CCDC146: variants seen among roughly 807,000 people sequenced by gnomAD.
CCDC146 encodes coiled-coil domain containing 146.
In CCDC146, 92 loss-of-function variants were observed where a neutral mutation model predicts 119.3. That is an observed-to-expected ratio of 0.77 (90% CI 0.65 to 0.92). The LOEUF (loss-of-function observed/expected upper bound fraction) is 0.92, where lower values mean the gene tolerates loss of function less well. CCDC146 is among the 40% of genes least tolerant of loss of function. CCDC146 has a pLI of 0.00. For missense variants in CCDC146, 1,000 were observed against 1,103.0 expected, an observed-to-expected ratio of 0.91 and a Z score of 1.32; for synonymous variants, 372 against 371.8, an observed-to-expected ratio of 1.00 and a Z score of -0.01.
rs948085605 is a variant in CCDC146 at position 77,198,024 on chromosome 7, T to C, written c.156+30200T>C. On this transcript the variant is annotated intron_variant, in intron 2 of 18. Coordinates refer to ENST00000285871, the MANE Select transcript of CCDC146 (RefSeq NM_020879.3). ...ATTTAGAGCTCAGAATATTCAGTTA[T>C]TTCACCCAAAATGTTTAGGAGAAAA... 6.9e-6 allele frequency: 4 copies of C among 578,444 alleles called. No homozygotes were observed. In the African/African-American group the frequency reaches 8.1e-5, roughly 12 times the overall value. The allele number at this position is 578,444 out of a possible 1,614,324, so 35.8% of individuals were successfully genotyped here.
At position 77,260,053 on chromosome 7, in the gene CCDC146, C is replaced by T. The variant is rs780800729; in HGVS notation, c.803C>T (p.Thr268Met). Residue 268 changes from threonine to methionine, a missense_variant, in exon 8 of 19, where the codon ACG (threonine) becomes ATG (methionine). Thr to Met is a moderately conservative substitution (Grantham distance 81). Coordinates refer to ENST00000285871, the MANE Select transcript of CCDC146 (RefSeq NM_020879.3). ...ATTGTCTTGGAACAAGAAGTCAAAACGCTAAATGACTCCCTAAAGAAAGTT... is the reference window on the plus strand; with the variant it reads ...ATTGTCTTGGAACAAGAAGTCAAAATGCTAAATGACTCCCTAAAGAAAGTT... Reference protein sequence around the residue: ...KKIVLEQEVKTLNDSLKKVEN... With the variant: ...KKIVLEQEVKMLNDSLKKVEN... 185 of 1,611,026 alleles carry T rather than the reference C, an allele frequency of 1.1e-4. 1 individual carries two copies. The highest frequency in any genetic ancestry group is 1.5e-4 in the Non-Finnish European group (178 of 1,178,706).
chr7:77,246,871 T>A (rs1453421422), intron 4 of CCDC146, among the ~76,000 whole-genome samples: 1 of 152,198 alleles, frequency 6.6e-6, no homozygotes, highest in Non-Finnish European at 1.5e-5. Context: ...GGTTGTGAAT[T>A]TTAGATATGA....
At chr7:77,142,319 T>TTTATTTAG (rs1019335216) in intron 1 of CCDC146, among the ~76,000 whole-genome samples, 2 of 140,208 alleles carry the variant, frequency 1.4e-5, no homozygotes, top group African/African-American at 6.4e-5. Context: ...TATTTATTTA[T>TTTATTTAG]TTATTTATTT....
intron 2 of CCDC146, among the ~76,000 whole-genome samples, chr7:77,174,956 G>A (rs563734166): frequency 1.3e-5 from 2 of 152,256 alleles, no homozygotes; most frequent in African/African-American, 4.8e-5. Context: ...TTCCAAAGAC[G>A]TTGAACCAGC....
chr7:77,260,972 T>TCCAG (rs1215210670), intron 8 of CCDC146, among the ~76,000 whole-genome samples: 1 of 152,150 alleles, frequency 6.6e-6, no homozygotes. Context: ...TGGAGGCTTC[T>TCCAG]ATCTCTGCCA....
intron 2 of CCDC146, among the ~76,000 whole-genome samples, chr7:77,213,032 T>A (rs1369183803): frequency 6.6e-6 from 1 of 151,894 alleles, no homozygotes; most frequent in Non-Finnish European, 1.5e-5. Context: ...CAAGTTTTTA[T>A]TAAATTTTTT....
At chr7:77,200,741 A>G (rs1791973016) in intron 2 of CCDC146, among the ~76,000 whole-genome samples, 1 of 152,232 alleles carries the variant, frequency 6.6e-6, no homozygotes. Context: ...TGTTCAAAAC[A>G]TGTAGCATTA....
chr7:77,220,757 C>G (rs1250977062), intron 2 of CCDC146, among the ~76,000 whole-genome samples: 3 of 152,168 alleles, frequency 2.0e-5, no homozygotes, highest in Non-Finnish European at 2.9e-5. Context: ...CTCTTTGATA[C>G]TTAAATTTGG....
At chr7:77,220,135 C>A (rs1475196413) in intron 2 of CCDC146, among the ~76,000 whole-genome samples, 1 of 152,232 alleles carries the variant, frequency 6.6e-6, no homozygotes, top group Non-Finnish European at 1.5e-5. Context: ...CATCCCGTAT[C>A]TACAACTGCA....
At chr7:77,125,517 T>A (rs1254779330) in intron 1 of CCDC146, among the ~76,000 whole-genome samples, 1 of 151,836 alleles carries the variant, frequency 6.6e-6, no homozygotes, top group Non-Finnish European at 1.5e-5. Context: ...ATATTACATT[T>A]ATAAGAAAAC....
At chr7:77,179,756 A>C (rs544832454) in intron 2 of CCDC146, among the ~76,000 whole-genome samples, 7 of 152,298 alleles carry the variant, frequency 4.6e-5, no homozygotes, top group African/African-American at 1.7e-4. Flanking sequence ...AACTGTTTTT[A>C]AGTGTACCAT....
At chr7:77,169,478 C>T (rs1460561702) in intron 2 of CCDC146, among the ~76,000 whole-genome samples, 1 of 152,268 alleles carries the variant, frequency 6.6e-6, no homozygotes, top group African/African-American at 2.4e-5. Flanking sequence ...GTGATACTTA[C>T]CCAGATCAAC....
At chr7:77,200,795 G>C (rs933343876) in intron 2 of CCDC146, among the ~76,000 whole-genome samples, 1 of 152,216 alleles carries the variant, frequency 6.6e-6, no homozygotes, top group African/African-American at 2.4e-5. Context: ...CTGAAGGCAG[G>C]AAAGAGGAAC....
At chr7:77,184,987 C>T (rs892579264) in intron 2 of CCDC146, among the ~76,000 whole-genome samples, 4 of 152,098 alleles carry the variant, frequency 2.6e-5, no homozygotes, top group African/African-American at 7.2e-5. Context: ...GTATCTGTTA[C>T]CCATGGAAAA....
intron 17 of CCDC146, among the ~76,000 whole-genome samples, chr7:77,290,782 T>C (rs1420635164): frequency 2.6e-5 from 4 of 152,146 alleles, no homozygotes; most frequent in Non-Finnish European, 5.9e-5. Context: ...GGAGGCAAAA[T>C]TTGTGTATAA....
intron 2 of CCDC146, chr7:77,193,894 A>T (rs1791817254): frequency 6.6e-6 from 1 of 152,606 alleles, no homozygotes; most frequent in Non-Finnish European, 1.5e-5. Flanking sequence ...TATATTGGTG[A>T]ATAGTTAAGG....
chr7:77,279,236 C>A, intron 13 of CCDC146, 135 bp downstream of exon 13: 3 of 666,446 alleles, frequency 4.5e-6, no homozygotes, highest in South Asian at 2.3e-5. Context: ...TGCCCTCCAG[C>A]CTGGGTGACA....
chr7:77,150,613 A>G (rs1313347794), intron 1 of CCDC146, among the ~76,000 whole-genome samples: 10 of 152,238 alleles, frequency 6.6e-5, no homozygotes, highest in Non-Finnish European at 2.9e-5. Flanking sequence ...TGGTAGGAAT[A>G]TAAAAAGTAC....
At position 77,125,949 on chromosome 7, in the gene CCDC146, C is replaced by T. The variant is rs151267289; in HGVS notation, c.-12+3217C>T. 9.2e-5 allele frequency among the ~76,000 whole-genome samples: 14 copies of T among 152,176 alleles called. No individual in the cohort carries two copies. In the East Asian group the frequency reaches 2.5e-3, roughly 27 times the overall value. ...TAGACAGTTTTATTTCTTCCTTTCT[C>T]ATCTGTATGGCTTTTCTTTCCTAGT... On this transcript the variant is annotated intron_variant, in intron 1 of 18. Transcript: ENST00000285871.
Sources: gnomAD v4.1 joint callset for allele counts (sites outside exome capture counted in the v4.1 genomes callset) on GRCh38, gnomAD v4.1.1 for gene constraint, MANE v1.5 for transcripts, NCBI Gene and HGNC (gene_info 2026-07-23, HGNC 2026-07-21) for gene names.